The following ROBO1 variants were observed in gnomAD, a reference collection of about 807,000 sequenced individuals.
ROBO1 encodes the protein roundabout homolog 1.
Under a neutral mutation model 195.9 loss-of-function variants are expected in ROBO1, and 149 were observed. That is an observed-to-expected ratio of 0.76 (90% CI 0.67 to 0.87). The LOEUF is 0.87. Ranked by LOEUF, ROBO1 falls within the 40% of genes least tolerant of loss-of-function variation. The pLI, the probability that ROBO1 is intolerant of heterozygous loss-of-function variation, is 0.00. For synonymous variants in ROBO1, 816 were observed against 733.2 expected, an observed-to-expected ratio of 1.11 and a Z score of -1.82; for missense variants, 1,933 against 2,068.3, an observed-to-expected ratio of 0.93 and a Z score of 1.27.
intron 2 of ROBO1, among the ~76,000 whole-genome samples, chr3:79,519,933 A>C (rs774407754): frequency 6.6e-6 from 1 of 152,088 alleles, no homozygotes; most frequent in Non-Finnish European, 1.5e-5. Flanking sequence ...CTGAGACAGG[A>C]ATATTGCTTG....
intron 1 of ROBO1, among the ~76,000 whole-genome samples, chr3:79,694,191 T>A (rs768399568): frequency 6.6e-6 from 1 of 151,818 alleles, no homozygotes; most frequent in Non-Finnish European, 1.5e-5. Flanking sequence ...ACAAATGCAT[T>A]CTAGTTATAT....
chr3:79,105,090 C>A (rs1216591781), intron 3 of ROBO1, among the ~76,000 whole-genome samples: 1 of 151,616 alleles, frequency 6.6e-6, no homozygotes, highest in East Asian at 1.9e-4. Flanking sequence ...TCTAGGAGAC[C>A]ATCTTTGTGA....
intron 4 of ROBO1, among the ~76,000 whole-genome samples, chr3:78,818,784 T>G (rs1272943598): frequency 6.6e-6 from 1 of 152,222 alleles, no homozygotes. Context: ...TTCACTTTTC[T>G]ATTGAGCTTC....
intron 4 of ROBO1, among the ~76,000 whole-genome samples, chr3:78,907,214 C>T (rs1288190791): frequency 3.3e-5 from 5 of 151,882 alleles, no homozygotes; most frequent in African/African-American, 1.2e-4. Flanking sequence ...TGAATAGGTC[C>T]TTTACCCATG....
intron 4 of ROBO1, among the ~76,000 whole-genome samples, chr3:78,915,615 T>A (rs903071316): frequency 1.3e-5 from 2 of 152,154 alleles, no homozygotes; most frequent in Non-Finnish European, 2.9e-5. Flanking sequence ...AGTTTAATTA[T>A]TAACATAAAA....
intron 3 of ROBO1, among the ~76,000 whole-genome samples, chr3:78,984,272 T>C (rs2077057761): frequency 1.3e-5 from 2 of 152,134 alleles, no homozygotes; most frequent in Admixed American, 6.6e-5. Flanking sequence ...CTTATAGATA[T>C]CAGGGGAGTA....
rs1490496528 is a variant in ROBO1, at chr3:79,243,194, T to A, written c.89-117655A>T. Among the ~76,000 whole-genome samples, 9 of 152,064 alleles carry A rather than the reference T, an allele frequency of 5.9e-5. 1 individual carries two copies. The highest frequency in any genetic ancestry group is 5.9e-4 in the Admixed American group (9 of 15,270). On this transcript the variant is annotated intron_variant, in intron 2 of 30. Coordinates refer to ENST00000464233, the MANE Select transcript of ROBO1 (RefSeq NM_002941.4). ...TTTTTTACGGCTGCATAGTATTTCA[T>A]GGTGTATATGTGCCACATTTTCTTA... is the stretch of plus-strand genomic sequence containing the variant.
rs143136622 is a variant in ROBO1, at chr3:79,078,117, A to T, written c.172+47339T>A. 1.1e-4 allele frequency among the ~76,000 whole-genome samples: 17 copies of T among 151,934 alleles called. No individual in the cohort carries two copies. The East Asian group carries it at 3.1e-3, about 28-fold the overall frequency. ...AAACCACAAAGGAAAGAAGGAAAAT[A>T]AAATGAAGAAAAAGTGAATTTTCTA... On this transcript the variant is annotated intron_variant, in intron 3 of 30. Coordinates refer to ENST00000464233, the MANE Select transcript of ROBO1 (RefSeq NM_002941.4).
intron 3 of ROBO1, among the ~76,000 whole-genome samples, chr3:79,034,984 A>C (rs1284541366): frequency 1.3e-5 from 2 of 152,134 alleles, no homozygotes; most frequent in African/African-American, 2.4e-5. Context: ...CATACTATTT[A>C]AGTTTTACAG....
chr3:79,418,304 T>TA (rs1189621372), intron 2 of ROBO1, among the ~76,000 whole-genome samples: 2 of 152,168 alleles, frequency 1.3e-5, no homozygotes, highest in Non-Finnish European at 2.9e-5. Flanking sequence ...TCAATAGTAT[T>TA]ATAGCACATT....
At chr3:79,605,252 T>C (rs532990916) in intron 1 of ROBO1, among the ~76,000 whole-genome samples, 23 of 152,026 alleles carry the variant, frequency 1.5e-4, no homozygotes, top group Admixed American at 3.9e-4. Context: ...ATTACTTTTT[T>C]TTTTAACTCT....
intron 2 of ROBO1, among the ~76,000 whole-genome samples, chr3:79,577,988 G>C (rs1401976231): frequency 6.6e-6 from 1 of 151,346 alleles, no homozygotes; most frequent in African/African-American, 2.4e-5. Flanking sequence ...CCCCCAAAAA[G>C]TGGGCAAAAA....
intron 1 of ROBO1, among the ~76,000 whole-genome samples, chr3:79,657,806 A>ATTTGGTGT (rs1222780587): frequency 1.3e-5 from 2 of 152,050 alleles, no homozygotes; most frequent in African/African-American, 4.8e-5. Flanking sequence ...GGTAGAATCA[A>ATTTGGTGT]TTTGGTGTTT....
rs139929139 is a variant in ROBO1 at position 78,734,584 on chromosome 3, A to T, written c.657+12159T>A. ...TCAAACAAACAAATAAAACCAAAAG[A>T]CTTGTTTTTTGGGAAATCCATTTGG... is the stretch of plus-strand genomic sequence containing the variant. On this transcript the variant is annotated intron_variant, in intron 5 of 30. Coordinates refer to ENST00000464233, the MANE Select transcript of ROBO1 (RefSeq NM_002941.4). Among the ~76,000 whole-genome samples, 23 of 148,714 alleles carry T rather than the reference A, an allele frequency of 1.5e-4. No homozygotes were observed. The East Asian group carries it at 4.4e-3, about 29-fold the overall frequency.
chr3:78,639,644 T>A, intron 22 of ROBO1, 100 bp downstream of exon 22: 1 of 1,202,196 alleles, frequency 8.3e-7, no homozygotes, highest in East Asian at 2.5e-5. Flanking sequence ...AAAATACGGG[T>A]CAAATTTTAT....
At chr3:79,309,080 GTTATTAAT>G (rs1275795804) in intron 2 of ROBO1, among the ~76,000 whole-genome samples, 2 of 152,074 alleles carry the variant, frequency 1.3e-5, no homozygotes, top group Non-Finnish European at 2.9e-5. Context: ...AAAAGCCACT[GTTATTAAT>G]TAGTAAGCAG....
At chr3:79,435,022 T>C (rs550931249) in intron 2 of ROBO1, among the ~76,000 whole-genome samples, 3 of 152,012 alleles carry the variant, frequency 2.0e-5, no homozygotes, top group South Asian at 2.1e-4. Context: ...ATGAGAACAC[T>C]TGGACACAGG....
intron 2 of ROBO1, among the ~76,000 whole-genome samples, chr3:79,370,541 C>T (rs924344578): frequency 6.6e-6 from 1 of 152,054 alleles, no homozygotes; most frequent in Admixed American, 6.6e-5. Context: ...CATCCGTCCA[C>T]AACATGGGAA....
At chr3:78,617,468 C>T (rs1266871729) in intron 27 of ROBO1, among the ~76,000 whole-genome samples, 167 bp downstream of exon 27, 1 of 149,516 alleles carries the variant, frequency 6.7e-6, no homozygotes, top group East Asian at 2.0e-4. Context: ...AATAATCCAA[C>T]TAAGTCATAT....
Sources: gnomAD v4.1 joint callset for allele counts (sites outside exome capture counted in the v4.1 genomes callset) on GRCh38, gnomAD v4.1.1 for gene constraint, MANE v1.5 for transcripts, NCBI Gene and HGNC (gene_info 2026-07-23, HGNC 2026-07-21) for gene names.